The following PPP1R11 variants were observed in gnomAD, a reference collection of about 807,000 sequenced individuals.
PPP1R11 encodes protein phosphatase 1 regulatory inhibitor subunit 11.
PPP1R11 carries 10 observed loss-of-function variants against 11.3 expected under a neutral mutation model. The observed-to-expected ratio is 0.88, with a 90% CI of 0.55 to 1.50. The LOEUF (loss-of-function observed/expected upper bound fraction) is 1.50. PPP1R11 is among the 40% of genes most tolerant of loss of function. PPP1R11 has a pLI of 0.00. For missense variants in PPP1R11, 114 were observed against 179.1 expected (o/e 0.64, Z 2.07); for synonymous variants, 56 against 62.3 (o/e 0.90, Z 0.48).
chr6:30,066,248 A>G (rs1390376771), upstream of PPP1R11, among the ~76,000 whole-genome samples: 1 of 152,170 alleles, frequency 6.6e-6, no homozygotes, highest in Admixed American at 6.6e-5. Context: ...CTACCTGTCA[A>G]GCTTCATCTG....
chr6:30,062,251 C>T (rs767431311), upstream of PPP1R11: 1 of 1,613,006 alleles, frequency 6.2e-7, no homozygotes, highest in South Asian at 1.1e-5. Flanking sequence ...TCGATGTGGT[C>T]ATGAAGGAAT....
chr6:30,069,098 A>G lies in PPP1R11; in HGVS notation c.179-6A>G. Reference sequence around the variant, plus strand: ...TCTTTAACTGGGCTCCTCCCTCTAAATCTAGGCTGCTGTATTTATGAGAAA... The same window carrying G: ...TCTTTAACTGGGCTCCTCCCTCTAAGTCTAGGCTGCTGTATTTATGAGAAA... On this transcript the variant is annotated splice_region_variant and splice_polypyrimidine_tract_variant and intron_variant, in intron 2 of 2. Transcript: ENST00000376772. The surrounding 1 kb of genome is among the most constrained non-coding windows in gnomAD (Gnocchi z 6.6). 1 of 1,593,914 alleles carries G rather than the reference A, an allele frequency of 6.3e-7. No homozygotes were observed. Among genetic ancestry groups the G allele is most frequent in the Non-Finnish European group, 8.6e-7 (1 of 1,163,346 alleles).
At chr6:30,061,758 C>T, upstream of PPP1R11, 2 of 1,585,742 alleles carry the variant, frequency 1.3e-6, no homozygotes, top group Non-Finnish European at 1.7e-6. This position sits in a 1 kb window ranked among gnomAD's most constrained non-coding sequence, Gnocchi z 5.0. Flanking sequence ...GGAGGGGATC[C>T]TAGAGCAGGA....
chr6:30,068,385 G>T (rs1765685029), intron 1 of PPP1R11: 1 of 451,268 alleles, frequency 2.2e-6, no homozygotes, highest in Non-Finnish European at 3.9e-6. Flanking sequence ...TATACTGGTG[G>T]TATAAGAACA....
At chr6:30,067,730 A>G (rs11755907) in intron 1 of PPP1R11, 1 of 460,268 alleles carries the variant, frequency 2.2e-6, no homozygotes, top group African/African-American at 2.0e-5. Flanking sequence ...TGGGGTGGTT[A>G]TGTGTGTAAG....
intron 1 of PPP1R11, 146 bp downstream of exon 1, chr6:30,067,625 G>C (rs1451472714): frequency 2.9e-5 from 30 of 1,031,118 alleles, no homozygotes; most frequent in African/African-American, 6.4e-5. Flanking sequence ...AGAATCGGAA[G>C]GTATTGGAGC....
rs1046341135 is a variant in PPP1R11 at position 30,067,622 on chromosome 6, G to A, written c.69+143G>A. On this transcript the variant is annotated intron_variant, in intron 1 of 2. Coordinates refer to ENST00000376772, the MANE Select transcript of PPP1R11 (RefSeq NM_021959.3). ...TGAATATCTAGGGCTGGGAGAATCG[G>A]AAGGTATTGGAGCTATTTGGAGTGG... 2.9e-6 allele frequency: 3 copies of A among 1,047,128 alleles called. No homozygotes were observed. In the African/African-American group the frequency reaches 4.7e-5, roughly 17 times the overall value. 64.9% of individuals were successfully genotyped at this position (1,047,128 alleles called of 1,614,324 possible).
At chr6:30,066,513 C>G (rs529782209), upstream of PPP1R11, among the ~76,000 whole-genome samples, 3 of 152,354 alleles carry the variant, frequency 2.0e-5, no homozygotes, top group Admixed American at 2.0e-4. Context: ...TAACTACATT[C>G]AGATTTACAA....
chr6:30,066,239 T>C (rs1765515588), upstream of PPP1R11, among the ~76,000 whole-genome samples: 2 of 152,192 alleles, frequency 1.3e-5, no homozygotes, highest in South Asian at 4.1e-4. Context: ...AACCACTGCC[T>C]ACCTGTCAAG....
chr6:30,063,702 A>AGGAATTCTTTGAGGCCTT (rs1362375796), upstream of PPP1R11, among the ~76,000 whole-genome samples: 2 of 152,082 alleles, frequency 1.3e-5, no homozygotes, highest in Non-Finnish European at 2.9e-5. This position sits in a 1 kb window ranked among gnomAD's most constrained non-coding sequence, Gnocchi z 4.1. Flanking sequence ...CTTGAACTGT[A>AGGAATTCTTTGAGGCCTT]GGAATTCTTT....
upstream of PPP1R11, among the ~76,000 whole-genome samples, chr6:30,065,645 C>T (rs1765457964): frequency 6.6e-6 from 1 of 151,906 alleles, no homozygotes; most frequent in African/African-American, 2.4e-5. The surrounding 1 kb of genome is among the most constrained non-coding windows in gnomAD (Gnocchi z 5.3). Context: ...GCACCCCTTA[C>T]CCCCATGTTG....
chr6:30,067,579 A>G, intron 1 of PPP1R11, 100 bp downstream of exon 1: 1 of 1,412,310 alleles, frequency 7.1e-7, no homozygotes, highest in Non-Finnish European at 1.0e-6. Flanking sequence ...AGGCCTAGGG[A>G]TATGGGAGGT....
chr6:30,062,362 A>C, upstream of PPP1R11: 1 of 1,469,172 alleles, frequency 6.8e-7, no homozygotes, highest in Non-Finnish European at 9.5e-7. Flanking sequence ...CCCTCTGCTC[A>C]GTCTGTTTGC....
At chr6:30,064,863 A>C (rs1053529883), upstream of PPP1R11, 4 of 457,328 alleles carry the variant, frequency 8.7e-6, no homozygotes, top group Non-Finnish European at 1.5e-5. Flanking sequence ...TCCTACCCTT[A>C]GTTGAATTTC....
At chr6:30,064,799 C>T (rs370811062), upstream of PPP1R11, 7 of 1,045,560 alleles carry the variant, frequency 6.7e-6, no homozygotes, top group Non-Finnish European at 1.0e-5. Flanking sequence ...CAATGTTTTG[C>T]TCCCAGAAGA....
upstream of PPP1R11, chr6:30,062,466 G>T: frequency 1.9e-6 from 1 of 539,982 alleles, no homozygotes; most frequent in East Asian, 3.0e-5. Context: ...GTAATAGGGA[G>T]ATTTGTAGTT....
chr6:30,061,927 G>C (rs749654228), upstream of PPP1R11: 2 of 1,613,122 alleles, frequency 1.2e-6, no homozygotes, highest in African/African-American at 1.3e-5. The surrounding 1 kb of genome is among the most constrained non-coding windows in gnomAD (Gnocchi z 5.0). Flanking sequence ...ACTTTGAGGG[G>C]AAGGTTGTGA....
rs1021256568 is a variant in PPP1R11 at position 30,070,142 on chromosome 6, C to A, written c.*836C>A. ...TGTAGTACACTCTTACCTCTTACTT[C>A]CTAGACTTTGATTTCTCCGGCAGCC... On this transcript the variant is annotated 3_prime_UTR_variant, in exon 3 of 3. Coordinates refer to ENST00000376772, the MANE Select transcript of PPP1R11 (RefSeq NM_021959.3). 6.5e-6 allele frequency: 1 copy of A among 152,716 alleles called. No individual in the cohort carries two copies. Among genetic ancestry groups the A allele is most frequent in the Admixed American group, 6.5e-5 (1 of 15,326 alleles). 9.5% of individuals were successfully genotyped at this position (152,716 alleles called of 1,614,324 possible). A position where few individuals can be genotyped will look rare whatever the true frequency, so the allele number is the denominator to read the frequency against.
At chr6:30,062,340 A>G, upstream of PPP1R11, 2 of 1,578,872 alleles carry the variant, frequency 1.3e-6, no homozygotes, top group Non-Finnish European at 8.7e-7. Flanking sequence ...GCAAGTGAGT[A>G]TTCTTTCCCC....
Sources: gnomAD v4.1 joint callset for allele counts (sites outside exome capture counted in the v4.1 genomes callset) on GRCh38, gnomAD v4.1.1 for gene constraint, Gnocchi (gnomAD v3.1) non-coding constraint, MANE v1.5 for transcripts, NCBI Gene and HGNC (gene_info 2026-07-23, HGNC 2026-07-21) for gene names.